The following NINJ2 variants were observed in gnomAD, a reference collection of about 807,000 sequenced individuals.
NINJ2 encodes the protein ninjurin 2.
Under a neutral mutation model 11.7 loss-of-function variants are expected in NINJ2, and 12 were observed. The ratio of observed to expected loss-of-function variants is 1.02; its 90% CI spans 0.66 to 1.66. The LOEUF is 1.66. Ranked by LOEUF, NINJ2 falls within the 40% of genes most tolerant of loss-of-function variation. NINJ2 has a pLI of 0.00. For synonymous variants in NINJ2, 93 were observed against 76.8 expected (o/e 1.21, Z -1.10); for missense variants, 187 against 181.8 (o/e 1.03, Z -0.16).
rs118085055 is a variant in NINJ2 at position 567,114 on chromosome 12, C to T, written c.34-936G>A. On this transcript the variant is annotated intron_variant, in intron 1 of 3. Coordinates refer to ENST00000305108, the MANE Select transcript of NINJ2 (RefSeq NM_016533.6). ...GATTTAGGATCAGGGTGAAAAGGAACTGAAGTGGAGCAAGGTGAGACAGGA... is the reference window on the plus strand; with the variant it reads ...GATTTAGGATCAGGGTGAAAAGGAATTGAAGTGGAGCAAGGTGAGACAGGA... Among the ~76,000 whole-genome samples the T allele has an allele frequency of 4.3e-3, 658 of 152,290 alleles. 34 individuals carry two copies. The East Asian group carries it at 0.11, about 24-fold the overall frequency.
At chr12:646,398 G>A (rs567302643) in intron 1 of NINJ2, among the ~76,000 whole-genome samples, 18 of 152,304 alleles carry the variant, frequency 1.2e-4, no homozygotes, top group African/African-American at 3.8e-4. Flanking sequence ...GAGCAGCCCA[G>A]GATCCCATTT....
At chr12:608,124 G>T (rs1005729857) in intron 1 of NINJ2, among the ~76,000 whole-genome samples, 9 of 152,092 alleles carry the variant, frequency 5.9e-5, no homozygotes, top group South Asian at 4.2e-4. Flanking sequence ...CATTGTTTTC[G>T]AATTGTCCAC....
intron 1 of NINJ2, among the ~76,000 whole-genome samples, chr12:601,275 A>G (rs2159599): frequency 0.32 from 48,619 of 152,030 alleles, 8,279 homozygotes; most frequent in Middle Eastern, 0.48. Context: ...GGCCGGGCGC[A>G]GTGGCTCACG....
chr12:603,953 G>A (rs900274281), intron 1 of NINJ2, among the ~76,000 whole-genome samples: 1 of 152,202 alleles, frequency 6.6e-6, no homozygotes, highest in East Asian at 1.9e-4. Context: ...GAGTCACTGC[G>A]CCTGGCCAAA....
intron 1 of NINJ2, among the ~76,000 whole-genome samples, chr12:612,317 C>T (rs1177288844): frequency 1.3e-5 from 2 of 152,132 alleles, no homozygotes; most frequent in Admixed American, 6.6e-5. Context: ...TGTGGGGTGT[C>T]GGGGCAGTCG....
intron 1 of NINJ2, chr12:610,665 C>T: frequency 4.1e-6 from 4 of 983,214 alleles, no homozygotes; most frequent in Non-Finnish European, 4.8e-6. Flanking sequence ...GAGACAACTT[C>T]AACTCAACCT....
chr12:622,409 CAAAAAAAAA>C (rs1169331783), intron 1 of NINJ2, among the ~76,000 whole-genome samples: 1 of 47,432 alleles, frequency 2.1e-5, no homozygotes, highest in Admixed American at 3.2e-4. Flanking sequence ...GACTCCGTCT[CAAAAAAAAA>C]AAAAAAAAAA....
intron 2 of NINJ2, 91 bp from the exon 3 acceptor site, chr12:565,492 G>A (rs1947283370): frequency 7.5e-7 from 1 of 1,339,022 alleles, no homozygotes; most frequent in Admixed American, 2.0e-5. Context: ...TGGAGAGAGG[G>A]GCCCTTCAGA....
chr12:610,265 G>T, intron 1 of NINJ2: 3 of 1,205,652 alleles, frequency 2.5e-6, no homozygotes, highest in Non-Finnish European at 3.5e-6. Context: ...CCCTCTGGCA[G>T]CCCTCTTCAC....
intron 1 of NINJ2, among the ~76,000 whole-genome samples, chr12:618,277 T>G (rs1490510192): frequency 1.6e-3 from 47 of 29,830 alleles, no homozygotes; most frequent in East Asian, 1.9e-3. Flanking sequence ...GAGGTGGGGG[T>G]GAGGAGTTGG....
At chr12:577,690 C>G (rs553673407) in intron 1 of NINJ2, among the ~76,000 whole-genome samples, 30 of 151,762 alleles carry the variant, frequency 2.0e-4, no homozygotes, top group African/African-American at 6.8e-4. Flanking sequence ...GTAGCAGCAG[C>G]AACATCACCT....
intron 1 of NINJ2, among the ~76,000 whole-genome samples, chr12:655,236 G>A (rs928425140): frequency 1.3e-4 from 20 of 152,152 alleles, no homozygotes; most frequent in Non-Finnish European, 2.9e-5. Context: ...CAGTTTCCCA[G>A]TCTTTGCTAG....
At chr12:602,788 T>C (rs943178567) in intron 1 of NINJ2, among the ~76,000 whole-genome samples, 1 of 152,316 alleles carries the variant, frequency 6.6e-6, no homozygotes, top group East Asian at 1.9e-4. Context: ...TTTTTGAAAA[T>C]AACAGTCCCC....
chr12:567,303 G>A (rs945423003), intron 1 of NINJ2, among the ~76,000 whole-genome samples: 2 of 133,822 alleles, frequency 1.5e-5, no homozygotes, highest in South Asian at 4.5e-4. Flanking sequence ...ACCACGACAG[G>A]ACAGATACCT....
chr12:605,347 T>C (rs1037070125), intron 1 of NINJ2, among the ~76,000 whole-genome samples: 5 of 152,246 alleles, frequency 3.3e-5, no homozygotes, highest in African/African-American at 7.2e-5. Flanking sequence ...ACTAGGCTTA[T>C]ACCCTTCCCC....
chr12:612,297 C>T (rs1167454351), intron 1 of NINJ2, among the ~76,000 whole-genome samples: 1 of 152,190 alleles, frequency 6.6e-6, no homozygotes, highest in Non-Finnish European at 1.5e-5. Context: ...TGCATCCTAA[C>T]ACAACACTCT....
chr12:653,708 A>G (rs936002585), intron 1 of NINJ2, among the ~76,000 whole-genome samples: 3 of 152,184 alleles, frequency 2.0e-5, no homozygotes, highest in Non-Finnish European at 4.4e-5. Context: ...AAAAAAGTGG[A>G]AGACAAAAAT....
intron 1 of NINJ2, among the ~76,000 whole-genome samples, chr12:652,879 G>A (rs1465181698): frequency 4.7e-5 from 7 of 149,770 alleles, no homozygotes; most frequent in African/African-American, 1.7e-4. Flanking sequence ...CCCGGGAAGC[G>A]AAGGTTGCAG....
intron 1 of NINJ2, among the ~76,000 whole-genome samples, chr12:621,572 G>A (rs1219170216): frequency 6.6e-6 from 1 of 152,160 alleles, no homozygotes; most frequent in Non-Finnish European, 1.5e-5. Flanking sequence ...TGTAATCCCA[G>A]CACTTTGGGA....
Sources: allele counts gnomAD v4.1 joint callset (sites outside exome capture counted in the v4.1 genomes callset), GRCh38; gene constraint gnomAD v4.1.1; transcripts MANE v1.5; gene names NCBI Gene and HGNC (gene_info 2026-07-23, HGNC 2026-07-21).